CCSER1: variants seen among roughly 807,000 people sequenced by gnomAD.
The protein encoded by CCSER1 is serine-rich coiled-coil domain-containing protein 1.
Under a neutral mutation model 82.0 loss-of-function variants are expected in CCSER1, and 41 were observed. The ratio of observed to expected loss-of-function variants is 0.50; its 90% CI spans 0.39 to 0.65. CCSER1 has a LOEUF of 0.65. Among genes scored for constraint, CCSER1 ranks in the 30% least tolerant of loss-of-function variants. CCSER1 has a pLI of 0.00. For missense variants in CCSER1, 1,119 were observed against 1,064.2 expected, an observed-to-expected ratio of 1.05 and a Z score of -0.72; for synonymous variants, 414 against 383.9, an observed-to-expected ratio of 1.08 and a Z score of -0.92.
intron 10 of CCSER1, among the ~76,000 whole-genome samples, chr4:91,371,368 C>T (rs941116776): frequency 5.9e-5 from 9 of 151,912 alleles, no homozygotes; most frequent in African/African-American, 2.2e-4. Flanking sequence ...CCCATGAGCT[C>T]AGTTGTTTTA....
chr4:90,567,082 A>G (rs1779492649), intron 5 of CCSER1, among the ~76,000 whole-genome samples: 1 of 150,080 alleles, frequency 6.7e-6, no homozygotes, highest in Non-Finnish European at 1.5e-5. Context: ...TTGGCTTTCT[A>G]CTTTCCATTT....
At chr4:90,935,291 A>T (rs1730792225) in intron 9 of CCSER1, among the ~76,000 whole-genome samples, 1 of 151,856 alleles carries the variant, frequency 6.6e-6, no homozygotes, top group African/African-American at 2.4e-5. Context: ...GTGAGTTCTC[A>T]CTCTATGAGT....
At chr4:90,642,826 G>C (rs769908083) in intron 6 of CCSER1, among the ~76,000 whole-genome samples, 5 of 152,028 alleles carry the variant, frequency 3.3e-5, no homozygotes, top group Non-Finnish European at 5.9e-5. Context: ...TTGCACCCCA[G>C]CCTGGGCAAC....
At chr4:91,029,284 A>G (rs1246262729) in intron 9 of CCSER1, among the ~76,000 whole-genome samples, 1 of 150,758 alleles carries the variant, frequency 6.6e-6, no homozygotes, top group Non-Finnish European at 1.5e-5. Flanking sequence ...TTTTTTTTTT[A>G]CATAAAAATA....
chr4:90,227,880 G>A (rs1315409845), intron 1 of CCSER1, among the ~76,000 whole-genome samples: 3 of 152,166 alleles, frequency 2.0e-5, no homozygotes, highest in East Asian at 1.9e-4. Flanking sequence ...CTGGAAAATC[G>A]GGTCACTTCC....
chr4:90,742,441 C>T (rs561398124), intron 7 of CCSER1, among the ~76,000 whole-genome samples: 1 of 152,116 alleles, frequency 6.6e-6, no homozygotes, highest in Admixed American at 6.5e-5. Context: ...TGATTAGGTC[C>T]TCAGTATAAA....
At chr4:90,879,606 AGAG>A (rs140789649) in intron 8 of CCSER1, among the ~76,000 whole-genome samples, 85,592 of 144,072 alleles carry the variant, frequency 0.59, 25,712 homozygotes, top group East Asian at 0.67. Flanking sequence ...AGGAGGAAGA[AGAG>A]GAGGAGGAGG....
chr4:91,076,996 C>A (rs568099912), intron 9 of CCSER1, among the ~76,000 whole-genome samples: 1 of 150,842 alleles, frequency 6.6e-6, no homozygotes, highest in South Asian at 2.1e-4. Context: ...AGGGCCTCCC[C>A]AGAATATTTG....
At chr4:90,411,699 T>C (rs971931604) in intron 4 of CCSER1, among the ~76,000 whole-genome samples, 1 of 152,192 alleles carries the variant, frequency 6.6e-6, no homozygotes, top group African/African-American at 2.4e-5. Context: ...GCATTCCCTT[T>C]GAAAACTGGC....
intron 10 of CCSER1, among the ~76,000 whole-genome samples, chr4:91,571,233 T>A (rs1763162710): frequency 6.6e-6 from 1 of 152,168 alleles, no homozygotes; most frequent in African/African-American, 2.4e-5. Context: ...TCTAGGACAT[T>A]CCAAACTTTC....
chr4:90,591,806 C>A (rs776065065), intron 5 of CCSER1, among the ~76,000 whole-genome samples: 1 of 151,964 alleles, frequency 6.6e-6, no homozygotes, highest in Non-Finnish European at 1.5e-5. Context: ...AGTGATAGAC[C>A]GGATAAAGAA....
At chr4:91,194,063 G>A (rs1223474510) in intron 10 of CCSER1, among the ~76,000 whole-genome samples, 1 of 152,094 alleles carries the variant, frequency 6.6e-6, no homozygotes, top group Non-Finnish European at 1.5e-5. Flanking sequence ...CCTGTCTCCC[G>A]AATCCAAGTG....
chr4:90,239,471 G>A (rs1305507834), intron 1 of CCSER1, among the ~76,000 whole-genome samples: 1 of 152,052 alleles, frequency 6.6e-6, no homozygotes, highest in African/African-American at 2.4e-5. Context: ...GTAATGTGTA[G>A]TCAACTGATT....
intron 7 of CCSER1, among the ~76,000 whole-genome samples, chr4:90,774,091 A>G (rs546185373): frequency 1.3e-5 from 2 of 152,156 alleles, no homozygotes; most frequent in Admixed American, 6.5e-5. Flanking sequence ...TAGTTAGTCT[A>G]TGAGATTGAA....
intron 4 of CCSER1, among the ~76,000 whole-genome samples, chr4:90,465,253 C>T (rs1422777600): frequency 2.0e-5 from 3 of 152,116 alleles, no homozygotes; most frequent in Non-Finnish European, 1.5e-5. Context: ...TGAACCACCG[C>T]CTCTGCCTCC....
chr4:91,485,569 T>C (rs1351753739), intron 10 of CCSER1, among the ~76,000 whole-genome samples: 1 of 152,172 alleles, frequency 6.6e-6, no homozygotes, highest in Non-Finnish European at 1.5e-5. Flanking sequence ...TGAACTCACT[T>C]GTACTCTTCT....
intron 5 of CCSER1, among the ~76,000 whole-genome samples, chr4:90,591,282 G>A (rs941169707): frequency 4.6e-5 from 7 of 152,042 alleles, no homozygotes; most frequent in African/African-American, 7.2e-5. Flanking sequence ...AATTTCCTTC[G>A]TTTGCCTGAT....
intron 10 of CCSER1, among the ~76,000 whole-genome samples, chr4:91,140,664 C>T (rs1314947542): frequency 6.6e-6 from 1 of 152,026 alleles, no homozygotes; most frequent in Non-Finnish European, 1.5e-5. Flanking sequence ...ATGATTTTTG[C>T]AATAAAAATT....
Position 90,905,358 on chromosome 4 carries a change from C to CTACACACA in CCSER1, c.2095-18012_2095-18011insTACACACA, listed in dbSNP as rs71596536. 3.0e-3 allele frequency among the ~76,000 whole-genome samples: 451 copies of CTACACACA among 150,444 alleles called. 2 individuals are homozygous for CTACACACA. Among genetic ancestry groups the CTACACACA allele is most frequent in the African/African-American group, 8.2e-3 (336 of 41,038 alleles). On this transcript the variant is annotated intron_variant, in intron 8 of 10. Transcript: ENST00000509176. ...CCTTGCTCACTACGTTCTAGTCACA[C>CTACACACA]CACACACACACACACACACACACAC...
Sources: allele counts gnomAD v4.1 joint callset (sites outside exome capture counted in the v4.1 genomes callset), GRCh38; gene constraint gnomAD v4.1.1; transcripts MANE v1.5; gene names NCBI Gene and HGNC (gene_info 2026-07-23, HGNC 2026-07-21).